AKAP6: variants seen among roughly 807,000 people sequenced by gnomAD.
The protein encoded by AKAP6 is A-kinase anchoring protein 6, also known as A-kinase anchor protein 6.
Under a neutral mutation model 188.5 loss-of-function variants are expected in AKAP6, and 58 were observed. The observed-to-expected ratio is 0.31, with a 90% CI of 0.25 to 0.38. The LOEUF (loss-of-function observed/expected upper bound fraction) is 0.38. Ranked by LOEUF, AKAP6 falls within the 10% of genes least tolerant of loss-of-function variation. The pLI, the probability that AKAP6 is intolerant of heterozygous loss-of-function variation, is 1.00. For missense variants in AKAP6, 2,710 were observed against 2,740.0 expected, an observed-to-expected ratio of 0.99 and a Z score of 0.24; for synonymous variants, 989 against 998.6, an observed-to-expected ratio of 0.99 and a Z score of 0.18.
intron 2 of AKAP6, among the ~76,000 whole-genome samples, chr14:32,521,499 C>T (rs1881830619): frequency 6.6e-6 from 1 of 152,186 alleles, no homozygotes; most frequent in African/African-American, 2.4e-5. Flanking sequence ...TCTCAGGATA[C>T]AAAATCAATG....
chr14:32,830,324 G>A lies in AKAP6; in HGVS notation c.*519G>A, dbSNP rs2034796691. 5.4e-6 allele frequency: 1 copy of A among 185,166 alleles called. No individual in the cohort carries two copies. Among genetic ancestry groups the A allele is most frequent in the Admixed American group, 6.1e-5 (1 of 16,486 alleles). 11.5% of individuals were successfully genotyped at this position (185,166 alleles called of 1,614,324 possible). Reference sequence around the variant, plus strand: ...AAAGCCAACATTTGAATTGGTTGCAGCATAGAGAAGAAACACTGGTCCTTC... The same window carrying A: ...AAAGCCAACATTTGAATTGGTTGCAACATAGAGAAGAAACACTGGTCCTTC... On this transcript the variant is annotated 3_prime_UTR_variant, in exon 14 of 14. Coordinates refer to ENST00000280979, the MANE Select transcript of AKAP6 (RefSeq NM_004274.5).
At chr14:32,527,581 A>AC (rs1882197517) in intron 2 of AKAP6, among the ~76,000 whole-genome samples, 1 of 152,230 alleles carries the variant, frequency 6.6e-6, no homozygotes, top group Non-Finnish European at 1.5e-5. Flanking sequence ...CTTACTCCAC[A>AC]TCCTCACCAG....
intron 1 of AKAP6, among the ~76,000 whole-genome samples, chr14:32,405,656 T>C (rs558105042): frequency 5.3e-5 from 8 of 151,668 alleles, no homozygotes; most frequent in African/African-American, 1.7e-4. Flanking sequence ...CAGGTGGATG[T>C]AATTGAATCA....
Position 32,568,296 on chromosome 14 carries a change from T to TAA in AKAP6, c.2347-8823_2347-8822dup, listed in dbSNP as rs779841754. ...TAGACCCTGGAACAAAACTATTTAA[T>TAA]AACCACTTAATAGCTATAGGACCTT... On this transcript the variant is annotated intron_variant, in intron 4 of 13. Transcript: ENST00000280979. This position sits in a 1 kb window ranked among gnomAD's most constrained non-coding sequence, Gnocchi z 6.2. 2.6e-5 allele frequency among the ~76,000 whole-genome samples: 4 copies of TAA among 152,166 alleles called. No individual in the cohort carries two copies. Among genetic ancestry groups the TAA allele is most frequent in the Non-Finnish European group, 5.9e-5 (4 of 68,020 alleles).
chr14:32,758,963 T>C (rs778580341), intron 11 of AKAP6, among the ~76,000 whole-genome samples: 1 of 152,182 alleles, frequency 6.6e-6, no homozygotes, highest in Non-Finnish European at 1.5e-5. Context: ...AGCATAGAGT[T>C]TGCTAACATT....
intron 7 of AKAP6, among the ~76,000 whole-genome samples, chr14:32,610,695 A>T (rs1049499567): frequency 1.3e-5 from 2 of 152,206 alleles, no homozygotes; most frequent in Non-Finnish European, 2.9e-5. Flanking sequence ...TAGTAGAAAG[A>T]TGTTGGAAGG....
intron 9 of AKAP6, among the ~76,000 whole-genome samples, chr14:32,701,933 G>A (rs1378854506): frequency 2.0e-5 from 3 of 152,134 alleles, no homozygotes; most frequent in African/African-American, 7.2e-5. Flanking sequence ...TCACATGGTG[G>A]TGTACAGAAT....
chr14:32,750,268 A>C (rs2032073400), intron 11 of AKAP6, among the ~76,000 whole-genome samples: 1 of 152,120 alleles, frequency 6.6e-6, no homozygotes, highest in Non-Finnish European at 1.5e-5. Flanking sequence ...TTACAATTTA[A>C]AAATGAGCTT....
At chr14:32,425,612 G>T (rs541763806) in intron 1 of AKAP6, among the ~76,000 whole-genome samples, 1 of 151,272 alleles carries the variant, frequency 6.6e-6, no homozygotes, top group Non-Finnish European at 1.5e-5. Context: ...GAGGGAAGGA[G>T]GGAAGGAAGG....
rs767657354 is a variant in AKAP6, at chr14:32,823,293, G to A, written c.5480G>A (p.Gly1827Asp). The A allele has an allele frequency of 2.5e-6, 4 of 1,613,778 alleles. No individual in the cohort carries two copies. Among genetic ancestry groups the A allele is most frequent in the Middle Eastern group, 1.7e-4 (1 of 6,054 alleles). The change falls in exon 13 of 14, where the codon GGC (glycine) becomes GAC (aspartate). Residue 1827 changes from glycine to aspartate, a missense_variant. Around this residue, in one of 2 missense-constraint regions of AKAP6, gnomAD observed 2,473 missense variants for 2,426.1 expected, o/e 1.02. Transcript: ENST00000280979. ...KRCNVSDEMK[G>D]SKDISSSEMT... ...TGCAATGTCAGTGATGAGATGAAGGGCAGTAAAGATATAAGTAGCAGTGAG... is the reference window on the plus strand; with the variant it reads ...TGCAATGTCAGTGATGAGATGAAGGACAGTAAAGATATAAGTAGCAGTGAG...
At chr14:32,374,195 A>G (rs144032330) in intron 1 of AKAP6, among the ~76,000 whole-genome samples, 19 of 152,316 alleles carry the variant, frequency 1.2e-4, no homozygotes, top group Non-Finnish European at 2.1e-4. Context: ...ACTGGGAGAT[A>G]GTCATCAAGG....
chr14:32,648,944 C>CAGAT, intron 7 of AKAP6, among the ~76,000 whole-genome samples: 1 of 152,112 alleles, frequency 6.6e-6, no homozygotes, highest in Admixed American at 6.6e-5. Flanking sequence ...TAGTCTTCCA[C>CAGAT]AGATAGCCAA....
At position 32,822,458 on chromosome 14, in the gene AKAP6, A is replaced by T. The variant is rs750826430; in HGVS notation, c.4645A>T (p.Thr1549Ser). 3.1e-6 allele frequency: 5 copies of T among 1,614,054 alleles called. No homozygotes were observed. Among genetic ancestry groups the T allele is most frequent in the Non-Finnish European group, 4.2e-6 (5 of 1,179,964 alleles). ...ISYKSGNIEK[T>S]FTGMQNAKQL... ...ATATAAAAGTGGCAATATAGAAAAG[A>T]CATTCACTGGCATGCAGAATGCCAA... Residue 1549 changes from threonine (T) to serine (S), a missense_variant, in exon 13 of 14, where the codon ACA (threonine) becomes TCA (serine). By Grantham distance (58) the Thr-to-Ser change is moderately conservative (BLOSUM62 1). Around this residue, in one of 2 missense-constraint regions of AKAP6, gnomAD observed 2,473 missense variants for 2,426.1 expected, o/e 1.02. Coordinates refer to ENST00000280979, the MANE Select transcript of AKAP6 (RefSeq NM_004274.5).
intron 7 of AKAP6, among the ~76,000 whole-genome samples, chr14:32,667,332 A>G (rs1888985643): frequency 6.6e-6 from 1 of 152,068 alleles, no homozygotes; most frequent in African/African-American, 2.4e-5. Flanking sequence ...GAACACTAAG[A>G]GTATGAAAGG....
chr14:32,584,595 C>A (rs1956212), intron 5 of AKAP6, among the ~76,000 whole-genome samples: 13,282 of 152,152 alleles, frequency 0.087, 907 homozygotes, highest in African/African-American at 0.19. Flanking sequence ...TACTTATCAC[C>A]CAAAAGGTTC....
chr14:32,706,187 A>G (rs1464811815), intron 9 of AKAP6, among the ~76,000 whole-genome samples: 1 of 152,096 alleles, frequency 6.6e-6, no homozygotes, highest in Non-Finnish European at 1.5e-5. Context: ...CTTCTCTACA[A>G]CAGGTAGATT....
intron 9 of AKAP6, among the ~76,000 whole-genome samples, chr14:32,711,611 C>A (rs979282181): frequency 6.6e-5 from 10 of 152,056 alleles, no homozygotes; most frequent in African/African-American, 2.4e-4. Context: ...GATCTTGAAG[C>A]TTCCTCAGGA....
At chr14:32,662,251 C>A (rs141239375) in intron 7 of AKAP6, among the ~76,000 whole-genome samples, 1 of 151,996 alleles carries the variant, frequency 6.6e-6, no homozygotes, top group Non-Finnish European at 1.5e-5. Flanking sequence ...GCATGGGATT[C>A]TGACTAACAG....
At chr14:32,442,037 G>A (rs982267177) in intron 2 of AKAP6, among the ~76,000 whole-genome samples, 2 of 152,184 alleles carry the variant, frequency 1.3e-5, no homozygotes, top group Admixed American at 1.3e-4. Context: ...ATATTTTTAG[G>A]GGCATCCACC....
Sources: gnomAD v4.1 joint callset for allele counts (sites outside exome capture counted in the v4.1 genomes callset) on GRCh38, gnomAD v4.1.1 for gene constraint, gnomAD v4.1.1 regional missense constraint, Gnocchi (gnomAD v3.1) non-coding constraint, MANE v1.5 for transcripts, NCBI Gene and HGNC (gene_info 2026-07-23, HGNC 2026-07-21) for gene names.